The following MCU variants were observed in gnomAD, a reference collection of about 807,000 sequenced individuals.
MCU encodes mitochondrial calcium uniporter, also known as calcium uniporter protein, mitochondrial.
MCU carries 12 observed loss-of-function variants against 45.2 expected under a neutral mutation model. The ratio of observed to expected loss-of-function variants is 0.27; its 90% CI spans 0.17 to 0.43. The LOEUF (loss-of-function observed/expected upper bound fraction) is 0.43, where lower values mean the gene tolerates loss of function less well. Among genes scored for constraint, MCU ranks in the 20% least tolerant of loss-of-function variants. The probability of loss-of-function intolerance (pLI) is 1.00; values close to 1 mark genes in which losing one functional copy is unlikely to be tolerated. For missense variants in MCU, 324 were observed against 436.7 expected, an observed-to-expected ratio of 0.74 and a Z score of 2.30; for synonymous variants, 160 against 165.1, an observed-to-expected ratio of 0.97 and a Z score of 0.24.
intron 1 of MCU, among the ~76,000 whole-genome samples, chr10:72,709,313 A>G (rs550119362): frequency 6.6e-6 from 1 of 152,158 alleles, no homozygotes; most frequent in Non-Finnish European, 1.5e-5. Context: ...ATAAAAACCT[A>G]TTTTTCATTT....
At chr10:72,846,445 C>T (rs554395539) in intron 2 of MCU, among the ~76,000 whole-genome samples, 27 of 152,184 alleles carry the variant, frequency 1.8e-4, no homozygotes, top group Non-Finnish European at 3.2e-4. Flanking sequence ...CTTTGTTCCG[C>T]ATATCCATGC....
At chr10:72,778,432 A>G (rs1008787778) in intron 1 of MCU, among the ~76,000 whole-genome samples, 2 of 152,190 alleles carry the variant, frequency 1.3e-5, no homozygotes, top group African/African-American at 4.8e-5. Flanking sequence ...GCCCGGATAG[A>G]AATATCACAT....
chr10:72,786,900 T>C (rs1247000016), intron 1 of MCU, among the ~76,000 whole-genome samples: 1 of 152,202 alleles, frequency 6.6e-6, no homozygotes, highest in African/African-American at 2.4e-5. Context: ...CACTTGTTCT[T>C]ACACAAATCA....
At chr10:72,710,550 T>TG (rs1273894759) in intron 1 of MCU, among the ~76,000 whole-genome samples, 4 of 146,606 alleles carry the variant, frequency 2.7e-5, no homozygotes, top group Non-Finnish European at 6.0e-5. Context: ...AAGGTTTTTT[T>TG]TTTTTTTTTT....
intron 1 of MCU, among the ~76,000 whole-genome samples, chr10:72,747,900 G>A (rs970445400): frequency 1.1e-4 from 16 of 151,914 alleles, no homozygotes; most frequent in African/African-American, 3.1e-4. Context: ...TTTAGTAGCC[G>A]TATTTTAAAA....
At chr10:72,694,856 T>C (rs1842666912) in intron 1 of MCU, among the ~76,000 whole-genome samples, 1 of 152,250 alleles carries the variant, frequency 6.6e-6, no homozygotes, top group African/African-American at 2.4e-5. Flanking sequence ...GTAGCTCAGC[T>C]AGTTGGTAAG....
chr10:72,852,234 C>G (rs6480645), intron 2 of MCU, among the ~76,000 whole-genome samples: 3 of 151,968 alleles, frequency 2.0e-5, no homozygotes, highest in Non-Finnish European at 4.4e-5. Flanking sequence ...GTTAAGGATT[C>G]TTTTAGAACA....
intron 1 of MCU, among the ~76,000 whole-genome samples, chr10:72,751,599 G>T (rs776808901): frequency 1.3e-5 from 2 of 151,280 alleles, no homozygotes; most frequent in Non-Finnish European, 2.9e-5. Flanking sequence ...CAAGTGATCC[G>T]CCCACCTTGG....
chr10:72,761,939 G>A (rs1276321560), intron 1 of MCU, among the ~76,000 whole-genome samples: 2 of 152,008 alleles, frequency 1.3e-5, no homozygotes, highest in African/African-American at 4.8e-5. Context: ...ATTTAGGAAC[G>A]TATTTTTAGT....
At chr10:72,810,421 C>G (rs1844522962) in intron 1 of MCU, among the ~76,000 whole-genome samples, 2 of 145,110 alleles carry the variant, frequency 1.4e-5, no homozygotes, top group Non-Finnish European at 3.0e-5. Context: ...TAGTGAGTAA[C>G]ATGATTTTGT....
chr10:72,779,907 C>T (rs1843962841), intron 1 of MCU, among the ~76,000 whole-genome samples: 1 of 152,178 alleles, frequency 6.6e-6, no homozygotes, highest in East Asian at 1.9e-4. Context: ...TCCCATAGAA[C>T]CTAGCAATTC....
chr10:72,800,530 T>A (rs1024537998), intron 1 of MCU, among the ~76,000 whole-genome samples: 19 of 152,322 alleles, frequency 1.2e-4, no homozygotes, highest in African/African-American at 3.6e-4. Flanking sequence ...CTGTTGGTCA[T>A]GTATCAAGAT....
intron 1 of MCU, among the ~76,000 whole-genome samples, chr10:72,697,426 ATTTTTT>A (rs1001610262): frequency 1.6e-5 from 1 of 64,122 alleles, no homozygotes; most frequent in South Asian, 5.2e-4. Flanking sequence ...CCAGACTTCT[ATTTTTT>A]TTTTTTTTTT....
At chr10:72,775,524 A>G (rs1344714274) in intron 1 of MCU, among the ~76,000 whole-genome samples, 1 of 152,154 alleles carries the variant, frequency 6.6e-6, no homozygotes, top group Non-Finnish European at 1.5e-5. Context: ...GTAGGAAAGA[A>G]ATAAAGATCA....
chr10:72,711,244 G>A (rs1243381327), intron 1 of MCU, among the ~76,000 whole-genome samples: 1 of 133,308 alleles, frequency 7.5e-6, no homozygotes, highest in Non-Finnish European at 1.6e-5. Context: ...TTTTTGGAAT[G>A]GAGTCTCCCT....
intron 1 of MCU, among the ~76,000 whole-genome samples, chr10:72,729,952 CTTTTTTT>C (rs58668483): frequency 1.1e-5 from 1 of 90,530 alleles, no homozygotes; most frequent in Admixed American, 1.4e-4. Flanking sequence ...CTTCAGCATT[CTTTTTTT>C]TTTTTTTTTT....
chr10:72,716,560 T>C (rs113442283), intron 1 of MCU, among the ~76,000 whole-genome samples: 2,850 of 152,120 alleles, frequency 0.019, 80 homozygotes, highest in African/African-American at 0.065. Flanking sequence ...CATTCAGTGG[T>C]AGGATGTTAT....
chr10:72,841,096 C>T (rs1845040978), intron 2 of MCU, among the ~76,000 whole-genome samples: 1 of 152,040 alleles, frequency 6.6e-6, no homozygotes, highest in Non-Finnish European at 1.5e-5. Flanking sequence ...ACTCATTTTC[C>T]TCCAGAATGC....
At chr10:72,849,275 CAAAAA>C (rs60515928) in intron 2 of MCU, among the ~76,000 whole-genome samples, 10 of 109,732 alleles carry the variant, frequency 9.1e-5, no homozygotes, top group African/African-American at 3.1e-4. Flanking sequence ...AGCAAGACTC[CAAAAA>C]AAAAAAAAAA....
Sources: gnomAD v4.1 joint callset for allele counts (sites outside exome capture counted in the v4.1 genomes callset) on GRCh38, gnomAD v4.1.1 for gene constraint, MANE v1.5 for transcripts, NCBI Gene and HGNC (gene_info 2026-07-23, HGNC 2026-07-21) for gene names.